EPHA6: variants seen among roughly 807,000 people sequenced by gnomAD.
The protein encoded by EPHA6 is EPH receptor A6, also known as ephrin type-A receptor 6.
EPHA6 carries 50 observed loss-of-function variants against 112.0 expected under a neutral mutation model. That is an observed-to-expected ratio of 0.45 (90% confidence interval 0.36 to 0.56). The LOEUF (loss-of-function observed/expected upper bound fraction) is 0.56, where lower values mean the gene tolerates loss of function less well. Ranked by LOEUF, EPHA6 falls within the 20% of genes least tolerant of loss-of-function variation. The pLI, the probability that EPHA6 is intolerant of heterozygous loss-of-function variation, is 0.00. For missense variants in EPHA6, 1,280 were observed against 1,417.4 expected, an observed-to-expected ratio of 0.90 and a Z score of 1.56; for synonymous variants, 529 against 490.7, an observed-to-expected ratio of 1.08 and a Z score of -1.03.
intron 3 of EPHA6, among the ~76,000 whole-genome samples, chr3:97,051,371 G>A (rs1240348263): frequency 6.6e-6 from 1 of 152,240 alleles, no homozygotes; most frequent in South Asian, 2.1e-4. Flanking sequence ...AGAATTTGTG[G>A]TGCTTAAGAC....
intron 12 of EPHA6, among the ~76,000 whole-genome samples, chr3:97,593,081 G>C (rs1044095405): frequency 1.3e-5 from 2 of 152,002 alleles, no homozygotes; most frequent in African/African-American, 4.8e-5. Context: ...CCAGAAAAGT[G>C]AATTAAAAAC....
intron 3 of EPHA6, among the ~76,000 whole-genome samples, chr3:97,163,597 G>A (rs1276752549): frequency 1.3e-5 from 2 of 152,098 alleles, no homozygotes; most frequent in Non-Finnish European, 2.9e-5. Flanking sequence ...AGTAAAGAGG[G>A]ATAGTGGTGA....
At chr3:97,726,900 A>G (rs1311937821) in intron 15 of EPHA6, among the ~76,000 whole-genome samples, 1 of 152,086 alleles carries the variant, frequency 6.6e-6, no homozygotes. Context: ...ATATGTAGGG[A>G]AAAAAGTAGC....
At chr3:97,524,359 T>C (rs2092589178) in intron 10 of EPHA6, among the ~76,000 whole-genome samples, 1 of 152,086 alleles carries the variant, frequency 6.6e-6, no homozygotes, top group Non-Finnish European at 1.5e-5. Context: ...ATACAAAGAC[T>C]CTATGCTTAT....
At chr3:96,830,810 A>C (rs978392837) in intron 1 of EPHA6, among the ~76,000 whole-genome samples, 7 of 152,070 alleles carry the variant, frequency 4.6e-5, no homozygotes, top group Non-Finnish European at 1.0e-4. Context: ...CAGGGTATAT[A>C]GTTACAGTTA....
intron 3 of EPHA6, among the ~76,000 whole-genome samples, chr3:97,102,737 C>T (rs2047441584): frequency 1.3e-5 from 2 of 152,050 alleles, no homozygotes; most frequent in Non-Finnish European, 1.5e-5. Context: ...TACACCCCCA[C>T]CAGCAAAGTA....
Position 96,860,177 on chromosome 3 carries a change from C to T in EPHA6, c.386-6648C>T, listed in dbSNP as rs539065267. ...GGTAACATTTCTTGACTGCTTAGGTCCTAGTTAGGGAAGTTAACATCTATT... is the reference window on the plus strand; with the variant it reads ...GGTAACATTTCTTGACTGCTTAGGTTCTAGTTAGGGAAGTTAACATCTATT... On this transcript the variant is annotated intron_variant, in intron 1 of 17. Transcript: ENST00000389672. 6.4e-4 allele frequency among the ~76,000 whole-genome samples: 98 copies of T among 152,040 alleles called. 1 individual carries two copies. In the South Asian group the frequency reaches 0.02, roughly 31 times the overall value.
intron 1 of EPHA6, among the ~76,000 whole-genome samples, chr3:96,856,715 A>G (rs1244337070): frequency 1.3e-5 from 2 of 152,272 alleles, no homozygotes; most frequent in Non-Finnish European, 2.9e-5. Flanking sequence ...TTAAGTGGAA[A>G]TAGATCTAGA....
At chr3:97,160,433 T>G (rs376910410) in intron 3 of EPHA6, among the ~76,000 whole-genome samples, 1 of 151,908 alleles carries the variant, frequency 6.6e-6, no homozygotes, top group African/African-American at 2.4e-5. Context: ...CCCCCCACCA[T>G]GCCTGGCTAA....
intron 14 of EPHA6, among the ~76,000 whole-genome samples, chr3:97,710,659 A>G (rs2033917493): frequency 6.6e-6 from 1 of 152,206 alleles, no homozygotes. Flanking sequence ...AGTTCCCTCT[A>G]TTTACAGAAA....
At chr3:97,685,257 G>A (rs1379543846) in intron 14 of EPHA6, among the ~76,000 whole-genome samples, 1 of 152,158 alleles carries the variant, frequency 6.6e-6, no homozygotes, top group Non-Finnish European at 1.5e-5. Flanking sequence ...CAAACTGTAT[G>A]CATCCAAAAA....
chr3:97,514,996 T>G (rs2092425264), intron 10 of EPHA6, among the ~76,000 whole-genome samples: 1 of 152,168 alleles, frequency 6.6e-6, no homozygotes, highest in Admixed American at 6.5e-5. Flanking sequence ...CAGATGACAA[T>G]GAGATGGTCC....
intron 3 of EPHA6, among the ~76,000 whole-genome samples, chr3:97,049,844 A>G (rs770908924): frequency 1.3e-4 from 20 of 152,116 alleles, no homozygotes; most frequent in South Asian, 4.2e-4. Flanking sequence ...TTGAGGGGAG[A>G]TATTATTCTG....
chr3:97,572,292 A>C (rs2093341834), intron 11 of EPHA6, among the ~76,000 whole-genome samples: 1 of 151,832 alleles, frequency 6.6e-6, no homozygotes, highest in African/African-American at 2.4e-5. Flanking sequence ...CTAGGACTAC[A>C]GGCGCCCGCC....
chr3:96,845,614 A>T (rs909128933), intron 1 of EPHA6, among the ~76,000 whole-genome samples: 7 of 152,000 alleles, frequency 4.6e-5, no homozygotes, highest in Admixed American at 1.3e-4. Context: ...ATGTATTTTT[A>T]ATCTTTACTT....
At chr3:97,063,446 C>T (rs1459238136) in intron 3 of EPHA6, among the ~76,000 whole-genome samples, 1 of 152,134 alleles carries the variant, frequency 6.6e-6, no homozygotes, top group East Asian at 1.9e-4. Flanking sequence ...CAAACAAATG[C>T]AGGAGCAGAA....
intron 5 of EPHA6, among the ~76,000 whole-genome samples, chr3:97,276,938 G>C (rs1035859114): frequency 8.5e-5 from 13 of 152,272 alleles, no homozygotes; most frequent in African/African-American, 3.1e-4. Context: ...GAAACTGTAA[G>C]CCGGACCAGG....
At chr3:97,095,632 CTT>C (rs1279236178) in intron 3 of EPHA6, among the ~76,000 whole-genome samples, 1 of 151,844 alleles carries the variant, frequency 6.6e-6, no homozygotes, top group East Asian at 1.9e-4. Flanking sequence ...TCCTACCCTG[CTT>C]TTAAGTGATG....
At chr3:97,414,022 A>C (rs1379705865) in intron 6 of EPHA6, among the ~76,000 whole-genome samples, 1 of 152,014 alleles carries the variant, frequency 6.6e-6, no homozygotes, top group African/African-American at 2.4e-5. Context: ...AACAATCATT[A>C]TTTGGGGCTA....
Sources: gnomAD v4.1 joint callset for allele counts (sites outside exome capture counted in the v4.1 genomes callset) on GRCh38, gnomAD v4.1.1 for gene constraint, MANE v1.5 for transcripts, NCBI Gene and HGNC (gene_info 2026-07-23, HGNC 2026-07-21) for gene names.